CTNNA3: variants seen among roughly 807,000 people sequenced by gnomAD.
CTNNA3 encodes catenin alpha-3.
Under a neutral mutation model 95.7 loss-of-function variants are expected in CTNNA3, and 76 were observed. The ratio of observed to expected loss-of-function variants is 0.79; its 90% CI spans 0.66 to 0.96. The LOEUF (loss-of-function observed/expected upper bound fraction) is 0.96, where lower values mean the gene tolerates loss of function less well. Among genes scored for constraint, CTNNA3 ranks in the 40% least tolerant of loss-of-function variants. CTNNA3 has a pLI of 0.00. For missense variants in CTNNA3, 1,191 were observed against 1,089.8 expected, an observed-to-expected ratio of 1.09 and a Z score of -1.31; for synonymous variants, 431 against 374.4, an observed-to-expected ratio of 1.15 and a Z score of -1.74.
intron 5 of CTNNA3, among the ~76,000 whole-genome samples, chr10:67,319,300 C>T (rs939600788): frequency 2.0e-5 from 3 of 152,018 alleles, no homozygotes; most frequent in African/African-American, 7.3e-5. Context: ...CGCCCAATAT[C>T]TCTTCACTGT....
chr10:66,420,995 A>G (rs2093188755), intron 11 of CTNNA3, among the ~76,000 whole-genome samples: 1 of 152,116 alleles, frequency 6.6e-6, no homozygotes, highest in East Asian at 1.9e-4. Flanking sequence ...GATAATAGCA[A>G]AGATATAGAA....
chr10:66,801,448 A>G (rs573001133), intron 7 of CTNNA3, among the ~76,000 whole-genome samples: 43 of 151,720 alleles, frequency 2.8e-4, no homozygotes, highest in African/African-American at 9.9e-4. Flanking sequence ...ACATTAAATT[A>G]TATTTTTATA....
intron 15 of CTNNA3, among the ~76,000 whole-genome samples, chr10:65,995,676 TAA>T (rs2078641645): frequency 6.6e-6 from 1 of 152,216 alleles, no homozygotes; most frequent in Admixed American, 6.5e-5. Flanking sequence ...TGTGGTTCAT[TAA>T]GTTCCTGGGT....
rs61049742 is a variant in CTNNA3 at position 67,301,205 on chromosome 10, T to C, written c.580-81335A>G. 0.019 allele frequency among the ~76,000 whole-genome samples: 2,818 copies of C among 152,258 alleles called. 233 individuals are homozygous for C. The East Asian group carries it at 0.25, about 14-fold the overall frequency. On this transcript the variant is annotated intron_variant, in intron 5 of 17. Coordinates refer to ENST00000433211, the MANE Select transcript of CTNNA3 (RefSeq NM_013266.4). ...CATGTCCTTAATTGTATGTGCCTAG[T>C]TTTTAAATTACTCCTTTTTTCTATT...
intron 5 of CTNNA3, among the ~76,000 whole-genome samples, chr10:67,290,566 C>T (rs369552118): frequency 3.3e-5 from 5 of 152,128 alleles, no homozygotes; most frequent in African/African-American, 1.2e-4. Flanking sequence ...TGAATCTTCA[C>T]AAACACCTCA....
At chr10:66,638,372 TA>T (rs1845405682) in intron 9 of CTNNA3, among the ~76,000 whole-genome samples, 1 of 152,158 alleles carries the variant, frequency 6.6e-6, no homozygotes, top group African/African-American at 2.4e-5. Context: ...CAAATGAATG[TA>T]TTTTCCCTGC....
intron 11 of CTNNA3, among the ~76,000 whole-genome samples, chr10:66,500,066 G>T (rs1252555942): frequency 6.6e-6 from 1 of 151,912 alleles, no homozygotes; most frequent in East Asian, 1.9e-4. Context: ...CTCCCAAAGT[G>T]CTAGGATTAC....
chr10:67,364,169 A>G (rs1340753162), intron 5 of CTNNA3, among the ~76,000 whole-genome samples: 1 of 152,218 alleles, frequency 6.6e-6, no homozygotes, highest in Non-Finnish European at 1.5e-5. Context: ...GGCTGGTTCA[A>G]CATATGCAAA....
intron 7 of CTNNA3, among the ~76,000 whole-genome samples, chr10:67,021,613 A>G (rs1014742070): frequency 6.6e-6 from 1 of 152,112 alleles, no homozygotes; most frequent in African/African-American, 2.4e-5. Context: ...AACATGTAAA[A>G]ATGGAATAAA....
At chr10:67,076,464 G>A (rs1827551659) in intron 7 of CTNNA3, among the ~76,000 whole-genome samples, 1 of 152,186 alleles carries the variant, frequency 6.6e-6, no homozygotes, top group Non-Finnish European at 1.5e-5. Flanking sequence ...CCAATACATA[G>A]CTGTGTCTCC....
intron 16 of CTNNA3, among the ~76,000 whole-genome samples, chr10:65,978,068 CT>C (rs900969537): frequency 2.7e-3 from 415 of 150,964 alleles, no homozygotes; most frequent in Non-Finnish European, 4.5e-3. Flanking sequence ...CTTTTAATGC[CT>C]TTTTTTTTCT....
At chr10:67,080,013 T>G (rs1169368631) in intron 7 of CTNNA3, among the ~76,000 whole-genome samples, 1 of 152,118 alleles carries the variant, frequency 6.6e-6, no homozygotes, top group Non-Finnish European at 1.5e-5. Context: ...GTTTTGGTTT[T>G]GTTTTGTTTT....
chr10:66,572,702 T>C (rs1169099099), intron 10 of CTNNA3, among the ~76,000 whole-genome samples: 1 of 152,124 alleles, frequency 6.6e-6, no homozygotes, highest in Non-Finnish European at 1.5e-5. Context: ...ACATTTAACT[T>C]TCAAAACCTT....
intron 5 of CTNNA3, among the ~76,000 whole-genome samples, chr10:67,521,636 A>AC (rs1839990449): frequency 6.6e-6 from 1 of 152,142 alleles, no homozygotes; most frequent in Non-Finnish European, 1.5e-5. Context: ...ACATGTGGAA[A>AC]CCCCTAAAGT....
chr10:66,697,195 A>G, intron 9 of CTNNA3, among the ~76,000 whole-genome samples: 1 of 150,560 alleles, frequency 6.6e-6, no homozygotes. Context: ...CTTTTATTAT[A>G]GAAATATATA....
chr10:66,927,664 T>A lies in CTNNA3; in HGVS notation c.1048-152140A>T, dbSNP rs755125064. ...CAGTGTCATAGGACAGACCATGTCC[T>A]GGACCTGGAGCTCCTTACAAAGGCT... On this transcript the variant is annotated intron_variant, in intron 7 of 17. Coordinates refer to ENST00000433211, the MANE Select transcript of CTNNA3 (RefSeq NM_013266.4). This position sits in a 1 kb window ranked among gnomAD's most constrained non-coding sequence, Gnocchi z 4.7. The A allele has an allele frequency of 6.2e-7, 1 of 1,614,092 alleles. No individual in the cohort carries two copies. Among genetic ancestry groups the A allele is most frequent in the African/African-American group, 1.3e-5 (1 of 74,938 alleles).
At chr10:67,256,039 CA>C (rs546019520) in intron 5 of CTNNA3, among the ~76,000 whole-genome samples, 22 of 144,574 alleles carry the variant, frequency 1.5e-4, no homozygotes, top group East Asian at 8.7e-4. Context: ...AGAACAGCAG[CA>C]AAAAAAAAAG....
chr10:67,195,399 T>G (rs546022691), intron 6 of CTNNA3, among the ~76,000 whole-genome samples: 47 of 151,612 alleles, frequency 3.1e-4, no homozygotes, highest in Non-Finnish European at 6.2e-4. Context: ...GAAAGTGGTT[T>G]AAGCTGCTGA....
chr10:66,267,924 T>A (rs779423496), intron 13 of CTNNA3, among the ~76,000 whole-genome samples: 1 of 152,196 alleles, frequency 6.6e-6, no homozygotes, highest in East Asian at 1.9e-4. Context: ...AATATTTGAC[T>A]AATTATACCT....
Sources: allele counts gnomAD v4.1 joint callset (sites outside exome capture counted in the v4.1 genomes callset), GRCh38; gene constraint gnomAD v4.1.1; non-coding constraint Gnocchi (gnomAD v3.1); transcripts MANE v1.5; gene names NCBI Gene and HGNC (gene_info 2026-07-23, HGNC 2026-07-21).